PLCB1: variants seen among roughly 807,000 people sequenced by gnomAD.
PLCB1 encodes the protein 1-phosphatidylinositol 4,5-bisphosphate phosphodiesterase beta-1.
Under a neutral mutation model 161.8 loss-of-function variants are expected in PLCB1, and 46 were observed. The ratio of observed to expected loss-of-function variants is 0.28; its 90% CI spans 0.22 to 0.36. PLCB1 has a LOEUF of 0.36. Ranked by LOEUF, PLCB1 falls within the 10% of genes least tolerant of loss-of-function variation. The probability of loss-of-function intolerance (pLI) is 1.00; values close to 1 mark genes in which losing one functional copy is unlikely to be tolerated. For missense variants in PLCB1, 1,016 were observed against 1,472.5 expected, an observed-to-expected ratio of 0.69 and a Z score of 5.07; for synonymous variants, 517 against 503.7, an observed-to-expected ratio of 1.03 and a Z score of -0.35.
intron 3 of PLCB1, among the ~76,000 whole-genome samples, chr20:8,484,561 C>T (rs1426449107): frequency 5.3e-5 from 8 of 151,840 alleles, no homozygotes; most frequent in Admixed American, 1.3e-4. Flanking sequence ...AGGGTTTCAC[C>T]GTGTTGGTCA....
At chr20:8,156,077 C>G (rs1434729612) in intron 2 of PLCB1, among the ~76,000 whole-genome samples, 1 of 152,120 alleles carries the variant, frequency 6.6e-6, no homozygotes, top group South Asian at 2.1e-4. Context: ...TCTTCCTCAC[C>G]ACTCCTGAGA....
intron 2 of PLCB1, among the ~76,000 whole-genome samples, chr20:8,200,667 A>G (rs944933926): frequency 1.3e-5 from 2 of 151,970 alleles, no homozygotes; most frequent in African/African-American, 4.8e-5. Flanking sequence ...TGGATTTTCT[A>G]TGTAGAAAAT....
intron 4 of PLCB1, among the ~76,000 whole-genome samples, chr20:8,637,233 GA>G (rs1988790290): frequency 6.6e-6 from 1 of 152,162 alleles, no homozygotes; most frequent in African/African-American, 2.4e-5. Flanking sequence ...TAAGCCAAAT[GA>G]TGCCCAATGA....
chr20:8,726,171 G>A (rs1979923458), intron 16 of PLCB1, among the ~76,000 whole-genome samples: 1 of 152,068 alleles, frequency 6.6e-6, no homozygotes, highest in South Asian at 2.1e-4. Context: ...AAAAAATTCA[G>A]AGCTATATAA....
chr20:8,319,122 T>G (rs1018328077), intron 2 of PLCB1, among the ~76,000 whole-genome samples: 1 of 152,222 alleles, frequency 6.6e-6, no homozygotes, highest in Non-Finnish European at 1.5e-5. Context: ...TTCTTACAGC[T>G]TCTAGGACAT....
chr20:8,722,396 A>T lies in PLCB1; in HGVS notation c.1556A>T (p.Asp519Val). 2 of 1,610,936 alleles carry T rather than the reference A, an allele frequency of 1.2e-6. No individual in the cohort carries two copies. The highest frequency in any genetic ancestry group is 3.4e-5 in the Admixed American group (2 of 59,300). The change falls in exon 15 of 32, where the codon GAC becomes GTC. Residue 519 changes from aspartate (D) to valine (V), a missense_variant. Coordinates refer to ENST00000338037, the MANE Select transcript of PLCB1 (RefSeq NM_015192.4). ...TESDDDDDDDDCKKSSMDEGT... is the reference protein window; with the variant it reads ...TESDDDDDDDVCKKSSMDEGT... ...AGTGACGACGACGATGATGATGATGACTGTAAAAAATCTTCAATGGATGAG... is the reference window on the plus strand; with the variant it reads ...AGTGACGACGACGATGATGATGATGTCTGTAAAAAATCTTCAATGGATGAG...
At chr20:8,358,566 C>T (rs1986440168) in intron 2 of PLCB1, among the ~76,000 whole-genome samples, 1 of 152,086 alleles carries the variant, frequency 6.6e-6, no homozygotes, top group Non-Finnish European at 1.5e-5. Context: ...TACCCTGCCC[C>T]ATCTTGCTTC....
At chr20:8,307,854 A>G (rs1182583370) in intron 2 of PLCB1, among the ~76,000 whole-genome samples, 1 of 36 alleles carries the variant, frequency 0.028, no homozygotes, top group South Asian at 0.5. Flanking sequence ...CCTGGGAGGC[A>G]GATGTTGACA....
chr20:8,771,107 G>C (rs1195253031), intron 26 of PLCB1, among the ~76,000 whole-genome samples: 1 of 152,090 alleles, frequency 6.6e-6, no homozygotes, highest in African/African-American at 2.4e-5. Context: ...CTACCTACCA[G>C]TGGCTCTTGA....
intron 16 of PLCB1, among the ~76,000 whole-genome samples, chr20:8,726,573 T>C (rs1979947937): frequency 6.6e-6 from 1 of 152,042 alleles, no homozygotes; most frequent in Admixed American, 6.6e-5. Context: ...GCAAGGGAAA[T>C]GCCAGATGCT....
At chr20:8,463,290 C>T (rs568103827) in intron 3 of PLCB1, among the ~76,000 whole-genome samples, 4 of 152,056 alleles carry the variant, frequency 2.6e-5, no homozygotes, top group South Asian at 2.1e-4. Context: ...AAATAAGCAG[C>T]TTTCCCTACC....
intron 3 of PLCB1, among the ~76,000 whole-genome samples, chr20:8,578,651 TCCC>T (rs1031879600): frequency 6.6e-6 from 1 of 152,218 alleles, no homozygotes; most frequent in Non-Finnish European, 1.5e-5. Flanking sequence ...CTGTGCTTGT[TCCC>T]CCAATTATTT....
intron 18 of PLCB1, chr20:8,729,835 ATGT>A (rs1397072497): frequency 2.0e-5 from 3 of 151,996 alleles, no homozygotes; most frequent in Admixed American, 6.6e-5. Context: ...TCTGTAAAAA[ATGT>A]TGTGCTACAT....
chr20:8,609,159 T>G (rs1159930563), intron 3 of PLCB1, among the ~76,000 whole-genome samples: 1 of 152,238 alleles, frequency 6.6e-6, no homozygotes, highest in Non-Finnish European at 1.5e-5. Flanking sequence ...TCTTAGCTAT[T>G]GGAAATGAGG....
At chr20:8,546,328 A>G (rs997945009) in intron 3 of PLCB1, among the ~76,000 whole-genome samples, 7 of 150,128 alleles carry the variant, frequency 4.7e-5, no homozygotes, top group South Asian at 2.1e-4. Flanking sequence ...AAAAAAAAAA[A>G]AAAAAAAAAA....
chr20:8,376,745 A>AG (rs1001594303), intron 3 of PLCB1, among the ~76,000 whole-genome samples: 51 of 151,974 alleles, frequency 3.4e-4, no homozygotes, highest in African/African-American at 1.1e-3. Context: ...TGGCTAACAC[A>AG]GTGAAACCCC....
intron 2 of PLCB1, among the ~76,000 whole-genome samples, chr20:8,217,914 G>A (rs930376429): frequency 3.3e-5 from 5 of 152,030 alleles, no homozygotes; most frequent in African/African-American, 1.2e-4. Flanking sequence ...ATGGGATAAT[G>A]CATCAAGCAG....
At chr20:8,807,382 A>G (rs992136820) in intron 31 of PLCB1, among the ~76,000 whole-genome samples, 12 of 151,984 alleles carry the variant, frequency 7.9e-5, no homozygotes, top group Admixed American at 1.3e-4. Context: ...CACCTGAGAC[A>G]TAAATTCTAT....
chr20:8,553,944 G>A (rs1985862754), intron 3 of PLCB1, among the ~76,000 whole-genome samples: 1 of 152,034 alleles, frequency 6.6e-6, no homozygotes, highest in Admixed American at 6.6e-5. Flanking sequence ...AGAGGTTGCA[G>A]TGAGCCGAGA....
Sources: allele counts gnomAD v4.1 joint callset (sites outside exome capture counted in the v4.1 genomes callset), GRCh38; gene constraint gnomAD v4.1.1; transcripts MANE v1.5; gene names NCBI Gene and HGNC (gene_info 2026-07-23, HGNC 2026-07-21).